KDM4C: variants seen among roughly 807,000 people sequenced by gnomAD.
The protein encoded by KDM4C is lysine demethylase 4C.
Under a neutral mutation model 129.3 loss-of-function variants are expected in KDM4C, and 81 were observed. The ratio of observed to expected loss-of-function variants is 0.63; its 90% CI spans 0.52 to 0.75. KDM4C has a LOEUF of 0.75. KDM4C is among the 30% of genes least tolerant of loss of function. The pLI is 0.00. For missense variants in KDM4C, 1,457 were observed against 1,304.0 expected (o/e 1.12, Z -1.81); for synonymous variants, 573 against 456.1 (o/e 1.26, Z -3.26).
At chr9:6,929,457 C>G (rs919594339) in intron 8 of KDM4C, among the ~76,000 whole-genome samples, 2 of 144,600 alleles carry the variant, frequency 1.4e-5, no homozygotes, top group African/African-American at 5.1e-5. Context: ...ACACTTTATC[C>G]TGTTTGACTT....
chr9:7,079,028 C>T (rs960325628), intron 17 of KDM4C, among the ~76,000 whole-genome samples: 4 of 152,180 alleles, frequency 2.6e-5, no homozygotes, highest in African/African-American at 9.6e-5. Context: ...AGAAGAAAAG[C>T]AGGTTTACAG....
In KDM4C at chr9:6,825,939, T is replaced by G. The variant is rs532343008; in HGVS notation, c.435+11194T>G. ...GATCCTTCCACCTCAGCCTACTGAG[T>G]AGCTGGGACTACGTGTGTGCGCCAC... On this transcript the variant is annotated intron_variant, in intron 4 of 21. Transcript: ENST00000381309. Among the ~76,000 whole-genome samples, 19 of 152,224 alleles carry G rather than the reference T, an allele frequency of 1.2e-4. No individual in the cohort carries two copies. In the East Asian group the frequency reaches 3.7e-3, roughly 29 times the overall value.
intron 3 of KDM4C, among the ~76,000 whole-genome samples, chr9:6,806,992 C>G (rs1830109271): frequency 6.6e-6 from 1 of 152,238 alleles, no homozygotes; most frequent in Admixed American, 6.5e-5. Flanking sequence ...TCACTGCAAC[C>G]TCCCTGCCTG....
At chr9:6,749,408 A>G (rs1459847479) in intron 1 of KDM4C, among the ~76,000 whole-genome samples, 2 of 152,178 alleles carry the variant, frequency 1.3e-5, no homozygotes, top group East Asian at 1.9e-4. Context: ...ATAGGACTAC[A>G]TGTATCTTTC....
At chr9:6,872,356 G>A (rs1842921037) in intron 5 of KDM4C, among the ~76,000 whole-genome samples, 1 of 152,158 alleles carries the variant, frequency 6.6e-6, no homozygotes, top group Admixed American at 6.5e-5. Context: ...TTGATTTGGG[G>A]TGGAGAGTTC....
intron 5 of KDM4C, among the ~76,000 whole-genome samples, chr9:6,871,752 G>A (rs1035279313): frequency 6.6e-6 from 1 of 152,116 alleles, no homozygotes; most frequent in African/African-American, 2.4e-5. Context: ...TTAGGGCCTG[G>A]CTGTGGAGCA....
chr9:7,044,154 C>G (rs987584061), intron 15 of KDM4C, among the ~76,000 whole-genome samples: 8 of 152,032 alleles, frequency 5.3e-5, no homozygotes, highest in Middle Eastern at 3.4e-3. Context: ...GTGGGAATGC[C>G]TGAGATAGAA....
chr9:6,721,337 G>T (rs13292102), intron 1 of KDM4C, among the ~76,000 whole-genome samples: 12,379 of 142,820 alleles, frequency 0.087, 714 homozygotes, highest in Non-Finnish European at 0.12. Context: ...AGGACAGAGG[G>T]CAGTGGCGCA....
chr9:7,130,447 CTG>C (rs1279915174), intron 19 of KDM4C, among the ~76,000 whole-genome samples: 1 of 152,212 alleles, frequency 6.6e-6, no homozygotes, highest in African/African-American at 2.4e-5. Context: ...TTTCCTTCCT[CTG>C]TGAACCAGAA....
intron 18 of KDM4C, among the ~76,000 whole-genome samples, chr9:7,123,561 T>C (rs1225601294): frequency 6.6e-6 from 1 of 152,232 alleles, no homozygotes; most frequent in Non-Finnish European, 1.5e-5. Context: ...ATTCATTCAC[T>C]GTTCATCTGT....
At chr9:6,972,736 C>G (rs1286212754) in intron 8 of KDM4C, among the ~76,000 whole-genome samples, 7 of 152,056 alleles carry the variant, frequency 4.6e-5, no homozygotes, top group Non-Finnish European at 1.0e-4. Context: ...GTGTTGGATA[C>G]CTGTTGGGTT....
chr9:7,042,295 A>C (rs906376859), intron 15 of KDM4C, among the ~76,000 whole-genome samples: 1 of 152,040 alleles, frequency 6.6e-6, no homozygotes, highest in Non-Finnish European at 1.5e-5. Context: ...GTGATATGTC[A>C]TGGCTCTCCA....
At chr9:6,894,813 G>A (rs763131677) in intron 8 of KDM4C, among the ~76,000 whole-genome samples, 20 of 152,202 alleles carry the variant, frequency 1.3e-4, no homozygotes, top group Non-Finnish European at 2.5e-4. Flanking sequence ...GTTGCACTGT[G>A]GTGGAGGAGG....
chr9:6,878,855 A>G (rs1203823694), intron 5 of KDM4C, among the ~76,000 whole-genome samples: 2 of 152,134 alleles, frequency 1.3e-5, no homozygotes, highest in Admixed American at 1.3e-4. Context: ...TATATTTGTG[A>G]TGTAAGCCAG....
chr9:7,029,402 TA>T (rs1826357617), intron 15 of KDM4C, among the ~76,000 whole-genome samples: 1 of 151,908 alleles, frequency 6.6e-6, no homozygotes, highest in African/African-American at 2.4e-5. Flanking sequence ...AGGAGGATGT[TA>T]GTTAAATGCC....
At chr9:7,112,932 A>G (rs2133229553) in intron 18 of KDM4C, among the ~76,000 whole-genome samples, 1 of 152,198 alleles carries the variant, frequency 6.6e-6, no homozygotes, top group Middle Eastern at 3.4e-3. Flanking sequence ...GATATTGCAA[A>G]CTAAAATTCT....
In KDM4C at chr9:6,849,704, AGTTACTT is replaced by A. The variant is rs749412676; in HGVS notation, c.629+8_629+14del. On this transcript the variant is annotated splice_donor_5th_base_variant and intron_variant, in intron 5 of 21. Transcript: ENST00000381309. ...ACTTTGGAGAGCCCAAGTCTTGGCA[AGTTACTT>A]GTTTAATATTCATTTACTTTGGAGT... The A allele has an allele frequency of 6.5e-7, 1 of 1,545,092 alleles. No homozygotes were observed. The highest frequency in any genetic ancestry group is 8.8e-7 in the Non-Finnish European group (1 of 1,137,142).
intron 15 of KDM4C, among the ~76,000 whole-genome samples, chr9:7,034,010 T>G (rs1380368673): frequency 6.8e-6 from 1 of 146,752 alleles, no homozygotes; most frequent in African/African-American, 2.5e-5. Flanking sequence ...ATCATGTACT[T>G]TTTTTTTTTT....
intron 8 of KDM4C, among the ~76,000 whole-genome samples, chr9:6,960,230 C>T (rs1308416865): frequency 6.6e-6 from 1 of 151,732 alleles, no homozygotes; most frequent in Non-Finnish European, 1.5e-5. Context: ...TCCACAAAGA[C>T]TGTGAAGCAG....
Sources: allele counts gnomAD v4.1 joint callset (sites outside exome capture counted in the v4.1 genomes callset), GRCh38; gene constraint gnomAD v4.1.1; transcripts MANE v1.5; gene names NCBI Gene and HGNC (gene_info 2026-07-23, HGNC 2026-07-21).